MDFIC2: variants seen among roughly 807,000 people sequenced by gnomAD.
MDFIC2 encodes MyoD family inhibitor domain containing 2, also known as myoD family inhibitor domain-containing protein 2.
chr3:70,252,492 T>TA (rs1186644008), intron 2 of MDFIC2, among the ~76,000 whole-genome samples: 6 of 152,122 alleles, frequency 3.9e-5, no homozygotes, highest in African/African-American at 1.2e-4. Context: ...TCAGAGAGAA[T>TA]AATAAGTTAC....
intron 2 of MDFIC2, among the ~76,000 whole-genome samples, chr3:70,232,643 C>G (rs554604598): frequency 1.1e-4 from 17 of 152,138 alleles, no homozygotes; most frequent in African/African-American, 3.4e-4. Context: ...CGTGATCCGC[C>G]CGCCTCAGCC....
Position 70,194,488 on chromosome 3 carries a change from A to G in MDFIC2, c.*2438T>C, listed in dbSNP as rs1049187065. Among the ~76,000 whole-genome samples, 2 of 152,224 alleles carry G rather than the reference A, an allele frequency of 1.3e-5. No individual in the cohort carries two copies. Among genetic ancestry groups the G allele is most frequent in the Non-Finnish European group, 2.9e-5 (2 of 68,044 alleles). Reference sequence around the variant, plus strand: ...TTGAAAAAGCCATTCATGTTTGCAAAAAGGATGATGTTTTATTATTGGTTA... The same window carrying G: ...TTGAAAAAGCCATTCATGTTTGCAAGAAGGATGATGTTTTATTATTGGTTA... On this transcript the variant is annotated 3_prime_UTR_variant, in exon 4 of 4. Transcript: ENST00000567252.
At chr3:70,255,245 T>C (rs1368344809) in intron 2 of MDFIC2, among the ~76,000 whole-genome samples, 4 of 152,186 alleles carry the variant, frequency 2.6e-5, no homozygotes, top group Admixed American at 1.3e-4. Context: ...AGTAGCTTAG[T>C]GGACCAATGA....
At chr3:70,266,078 T>C (rs1212952101) in intron 2 of MDFIC2, among the ~76,000 whole-genome samples, 1 of 152,246 alleles carries the variant, frequency 6.6e-6, no homozygotes, top group Admixed American at 6.5e-5. Context: ...CTTTGTCTTT[T>C]GAGCCAAGTT....
chr3:70,304,574 T>C (rs1011619655), intron 2 of MDFIC2, among the ~76,000 whole-genome samples: 7 of 152,154 alleles, frequency 4.6e-5, no homozygotes, highest in African/African-American at 1.7e-4. Context: ...TTTCTTTGTA[T>C]CACCCCACAC....
At chr3:70,237,979 C>CTTTTTTT (rs71672662) in intron 2 of MDFIC2, among the ~76,000 whole-genome samples, 901 of 48,890 alleles carry the variant, frequency 0.018, 271 homozygotes, top group African/African-American at 0.068. Flanking sequence ...TGAGTGGTAT[C>CTTTTTTT]TTTTTTTTTT....
chr3:70,196,903 C>A lies in MDFIC2; in HGVS notation c.*23G>T, dbSNP rs956070112. On this transcript the variant is annotated 3_prime_UTR_variant, in exon 4 of 4. Transcript: ENST00000567252. ...TTCCCACCGTGGCCAAAAGGACTGC[C>A]GGAATGTGGTTACTTCACTGTGCTA... The A allele has an allele frequency of 2.0e-5, 8 of 398,348 alleles. No homozygotes were observed. Among genetic ancestry groups the A allele is most frequent in the Non-Finnish European group, 3.5e-5 (8 of 225,982 alleles). The allele number at this position is 398,348 out of a possible 1,614,324, so 24.7% of individuals were successfully genotyped here. A position where few individuals can be genotyped will look rare whatever the true frequency, so the allele number is the denominator to read the frequency against.
chr3:70,218,212 T>C (rs1446222422), intron 2 of MDFIC2, among the ~76,000 whole-genome samples: 1 of 152,130 alleles, frequency 6.6e-6, no homozygotes, highest in African/African-American at 2.4e-5. Flanking sequence ...TGCAATGGGG[T>C]TAAAACACTT....
At chr3:70,300,564 G>C (rs1363009815) in intron 2 of MDFIC2, among the ~76,000 whole-genome samples, 1 of 151,812 alleles carries the variant, frequency 6.6e-6, no homozygotes, top group Non-Finnish European at 1.5e-5. Flanking sequence ...TTTCCCTGTT[G>C]AGTGTTTTCA....
At chr3:70,240,025 T>C (rs925822154) in intron 2 of MDFIC2, among the ~76,000 whole-genome samples, 12 of 152,064 alleles carry the variant, frequency 7.9e-5, no homozygotes, top group Admixed American at 6.6e-4. Flanking sequence ...GAAGTAAAAA[T>C]AGGTTAATGA....
intron 2 of MDFIC2, among the ~76,000 whole-genome samples, chr3:70,272,491 T>G (rs1227465549): frequency 6.6e-6 from 1 of 152,254 alleles, no homozygotes; most frequent in East Asian, 1.9e-4. Context: ...CAAAATTTGT[T>G]TATCTGTTCT....
intron 2 of MDFIC2, among the ~76,000 whole-genome samples, chr3:70,277,095 G>A (rs1028696534): frequency 5.9e-5 from 9 of 152,018 alleles, no homozygotes; most frequent in Non-Finnish European, 1.0e-4. Flanking sequence ...TCAATGAGGC[G>A]TGAGAAACAT....
At chr3:70,298,487 T>C (rs1033114797) in intron 2 of MDFIC2, among the ~76,000 whole-genome samples, 1 of 152,150 alleles carries the variant, frequency 6.6e-6, no homozygotes, top group Admixed American at 6.6e-5. Context: ...CTCATAAATA[T>C]GAATGAAGCA....
rs1701161251 is a variant in MDFIC2 at position 70,194,888 on chromosome 3, A to AG, written c.*2037dup. ...CCTTTAGTGACTAGACCACGGGTAG[A>AG]GGGGTGGGTGCTCAGAGAGGAGCCA... On this transcript the variant is annotated 3_prime_UTR_variant, in exon 4 of 4. Coordinates refer to ENST00000567252, the MANE Select transcript of MDFIC2 (RefSeq NM_001364677.1). Among the ~76,000 whole-genome samples, 2 of 152,098 alleles carry AG rather than the reference A, an allele frequency of 1.3e-5. No individual in the cohort carries two copies. The highest frequency in any genetic ancestry group is 2.9e-5 in the Non-Finnish European group (2 of 68,008).
At chr3:70,261,071 ACGTT>A (rs1701861021) in intron 2 of MDFIC2, among the ~76,000 whole-genome samples, 1 of 152,200 alleles carries the variant, frequency 6.6e-6, no homozygotes, top group Admixed American at 6.5e-5. Flanking sequence ...AAGCACTTCA[ACGTT>A]TATTTAAAGT....
At chr3:70,269,449 A>C (rs1701954487) in intron 2 of MDFIC2, among the ~76,000 whole-genome samples, 1 of 152,168 alleles carries the variant, frequency 6.6e-6, no homozygotes, top group African/African-American at 2.4e-5. Flanking sequence ...AACCATGTTC[A>C]AGTAAGGCAA....
intron 2 of MDFIC2, among the ~76,000 whole-genome samples, chr3:70,237,214 T>C (rs1412234299): frequency 6.6e-6 from 1 of 152,234 alleles, no homozygotes; most frequent in African/African-American, 2.4e-5. Flanking sequence ...TTTGTTAGTA[T>C]ATCCTGGAGG....
chr3:70,197,219 C>T, intron 3 of MDFIC2, 34 bp from the exon 4 acceptor site: 1 of 398,376 alleles, frequency 2.5e-6, no homozygotes, highest in Non-Finnish European at 4.4e-6. Context: ...AATAGTGGCA[C>T]ATCTGGGGGC....
intron 2 of MDFIC2, among the ~76,000 whole-genome samples, chr3:70,228,153 T>C (rs1701526349): frequency 6.6e-6 from 1 of 152,024 alleles, no homozygotes; most frequent in Admixed American, 6.6e-5. Flanking sequence ...AGAGTTGTCT[T>C]TACTGTCCTT....
Sources: allele counts gnomAD v4.1 joint callset (sites outside exome capture counted in the v4.1 genomes callset), GRCh38; gene constraint gnomAD v4.1.1; transcripts MANE v1.5; gene names NCBI Gene and HGNC (gene_info 2026-07-23, HGNC 2026-07-21).